RBFOX1: variants seen among roughly 807,000 people sequenced by gnomAD.
RBFOX1 encodes RNA binding fox-1 homolog 1.
In RBFOX1, 8 loss-of-function variants were observed where a neutral mutation model predicts 57.7. The observed-to-expected ratio is 0.14, with a 90% CI of 0.08 to 0.25. The LOEUF (loss-of-function observed/expected upper bound fraction) is 0.25. RBFOX1 is among the 10% of genes least tolerant of loss of function. The probability of loss-of-function intolerance (pLI) is 1.00; values close to 1 mark genes in which losing one functional copy is unlikely to be tolerated. For synonymous variants in RBFOX1, 326 were observed against 222.4 expected (o/e 1.47, Z -4.15); for missense variants, 611 against 548.5 (o/e 1.11, Z -1.14).
At chr16:7,542,291 C>G (rs191032284) in intron 5 of RBFOX1, among the ~76,000 whole-genome samples, 2 of 152,090 alleles carry the variant, frequency 1.3e-5, no homozygotes, top group Non-Finnish European at 2.9e-5. Flanking sequence ...GATACAGGGA[C>G]CTGTGACAAA....
In RBFOX1 at chr16:6,702,425, A is replaced by G. The variant is rs191383741; in HGVS notation, c.-16+47775A>G. 7.2e-4 allele frequency among the ~76,000 whole-genome samples: 109 copies of G among 152,258 alleles called. 1 individual carries two copies. Among genetic ancestry groups the G allele is most frequent in the African/African-American group, 2.4e-3 (98 of 41,556 alleles). On this transcript the variant is annotated intron_variant, in intron 3 of 15. Coordinates refer to ENST00000550418, the MANE Select transcript of RBFOX1 (RefSeq NM_018723.4). ...AAAAATCTGCCTGGCGTGCTGGCAT[A>G]TGCCTGTAATCCCAGCTACTTGGGA... is the stretch of plus-strand genomic sequence containing the variant.
intron 4 of RBFOX1, among the ~76,000 whole-genome samples, chr16:5,931,539 C>T (rs2059057161): frequency 6.6e-6 from 1 of 152,142 alleles, no homozygotes; most frequent in East Asian, 1.9e-4. Context: ...CAACCACATT[C>T]TGACTTAATG....
At chr16:5,290,002 G>C (rs1391812098) in intron 1 of RBFOX1, among the ~76,000 whole-genome samples, 1 of 152,214 alleles carries the variant, frequency 6.6e-6, no homozygotes, top group Non-Finnish European at 1.5e-5. Context: ...TGGAGAGATG[G>C]AACATGGTTT....
rs372389367 is a variant in RBFOX1 at position 7,500,844 on chromosome 16, C to T, written c.28-17303C>T. ...TCTAGTTCCCATAATCCCCATGTCTCGTGAGAGGGACCCGGTGGGAGGTAA... is the reference window on the plus strand; with the variant it reads ...TCTAGTTCCCATAATCCCCATGTCTTGTGAGAGGGACCCGGTGGGAGGTAA... On this transcript the variant is annotated intron_variant, in intron 4 of 15. Transcript: ENST00000550418. 5.9e-5 allele frequency among the ~76,000 whole-genome samples: 9 copies of T among 152,148 alleles called. No homozygotes were observed. The East Asian group carries it at 7.7e-4, about 13-fold the overall frequency.
intron 3 of RBFOX1, among the ~76,000 whole-genome samples, chr16:5,725,151 G>A (rs2052093877): frequency 6.6e-6 from 1 of 152,218 alleles, no homozygotes; most frequent in Admixed American, 6.5e-5. Flanking sequence ...GATACCTGTT[G>A]CAGAGGAGGC....
chr16:5,462,318 G>A (rs993441276), intron 1 of RBFOX1, among the ~76,000 whole-genome samples: 6 of 151,848 alleles, frequency 4.0e-5, no homozygotes, highest in East Asian at 1.9e-4. Context: ...ACAGGGGCCC[G>A]CCACCACGCC....
chr16:6,097,644 A>C lies in RBFOX1; in HGVS notation c.-127+77652A>C, dbSNP rs9806914. Among the ~76,000 whole-genome samples, 2 of 151,986 alleles carry C rather than the reference A, an allele frequency of 1.3e-5. No individual in the cohort carries two copies. Among genetic ancestry groups the C allele is most frequent in the African/African-American group, 4.8e-5 (2 of 41,390 alleles). Reference sequence around the variant, plus strand: ...GAGTCAGTAGGAGGAAAAGTGATTGACTCAAGTGCTTAATAAGTGTCTAAG... The same window carrying C: ...GAGTCAGTAGGAGGAAAAGTGATTGCCTCAAGTGCTTAATAAGTGTCTAAG... On this transcript the variant is annotated intron_variant, in intron 1 of 15. Coordinates refer to ENST00000550418, the MANE Select transcript of RBFOX1 (RefSeq NM_018723.4). This position sits in a 1 kb window ranked among gnomAD's most constrained non-coding sequence, Gnocchi z 5.0.
In RBFOX1 at chr16:6,152,557, G is replaced by T. The variant is rs116004307; in HGVS notation, c.-127+132565G>T. ...TGGAGTGTTTATGCTTGTATCTGTA[G>T]TCCAGATAAGTTAGTGGAAGAAATT... On this transcript the variant is annotated intron_variant, in intron 1 of 15. Transcript: ENST00000550418. Among the ~76,000 whole-genome samples, 1,288 of 152,308 alleles carry T rather than the reference G, an allele frequency of 8.5e-3. 19 individuals carry two copies. The highest frequency in any genetic ancestry group is 0.029 in the African/African-American group (1,221 of 41,562).
At chr16:6,863,243 G>C (rs996161349) in intron 3 of RBFOX1, among the ~76,000 whole-genome samples, 13 of 152,086 alleles carry the variant, frequency 8.5e-5, no homozygotes, top group Non-Finnish European at 1.2e-4. Context: ...CTAAAGGCAA[G>C]ACCCTCAAGG....
intron 3 of RBFOX1, among the ~76,000 whole-genome samples, chr16:5,727,427 C>T (rs1050616896): frequency 2.6e-5 from 4 of 152,180 alleles, no homozygotes; most frequent in Non-Finnish European, 4.4e-5. Context: ...TACGTATATA[C>T]TGTGAAACGC....
chr16:7,227,705 C>A (rs750782418), intron 4 of RBFOX1, among the ~76,000 whole-genome samples: 84 of 152,246 alleles, frequency 5.5e-4, no homozygotes, highest in Admixed American at 1.2e-3. Context: ...TCATTTGGCC[C>A]GTCGCCCTGC....
At chr16:7,198,130 CA>C (rs2087268399) in intron 4 of RBFOX1, among the ~76,000 whole-genome samples, 1 of 151,368 alleles carries the variant, frequency 6.6e-6, no homozygotes, top group East Asian at 1.9e-4. Context: ...CTCAGCCTCC[CA>C]AGTAGCTGGG....
At chr16:7,391,063 C>T (rs1483683974) in intron 4 of RBFOX1, among the ~76,000 whole-genome samples, 1 of 152,100 alleles carries the variant, frequency 6.6e-6, no homozygotes, top group Non-Finnish European at 1.5e-5. Context: ...GTTCCTTCTG[C>T]TCCTAGTCCT....
chr16:7,555,246 G>T (rs1001762088), intron 5 of RBFOX1, among the ~76,000 whole-genome samples: 2 of 152,118 alleles, frequency 1.3e-5, no homozygotes, highest in Non-Finnish European at 2.9e-5. Context: ...GCCTTCTGAT[G>T]ACTCCCCCAT....
chr16:5,542,696 A>G (rs920273758), intron 2 of RBFOX1, among the ~76,000 whole-genome samples: 15 of 152,306 alleles, frequency 9.8e-5, no homozygotes, highest in South Asian at 4.1e-4. Flanking sequence ...AGCAAGGAGA[A>G]TGAAAACTGT....
intron 3 of RBFOX1, among the ~76,000 whole-genome samples, chr16:7,021,373 T>A (rs527993970): frequency 5.2e-4 from 77 of 147,140 alleles, no homozygotes; most frequent in African/African-American, 1.9e-3. Flanking sequence ...TGTTCTTATA[T>A]ATTTTAAAAT....
rs138809112 is a variant in RBFOX1 at position 6,613,086 on chromosome 16, G to A, written c.-63-41517G>A. Among the ~76,000 whole-genome samples the A allele has an allele frequency of 4.2e-4, 63 of 151,334 alleles. 1 individual carries two copies. Among genetic ancestry groups the A allele is most frequent in the African/African-American group, 1.4e-3 (59 of 41,212 alleles). On this transcript the variant is annotated intron_variant, in intron 2 of 15. Transcript: ENST00000550418. ...TGGAATTCACAGGATAAATACTGTG[G>A]TACAGGAACTGTCAGGCCTGATTAA...
intron 1 of RBFOX1, among the ~76,000 whole-genome samples, chr16:6,058,000 A>T (rs1172196374): frequency 1.3e-5 from 2 of 151,980 alleles, no homozygotes; most frequent in Non-Finnish European, 2.9e-5. Context: ...CTTCAGACAA[A>T]GGCCTGACCC....
chr16:6,397,337 G>T (rs1474114982), intron 2 of RBFOX1, among the ~76,000 whole-genome samples: 1 of 152,128 alleles, frequency 6.6e-6, no homozygotes, highest in Non-Finnish European at 1.5e-5. Flanking sequence ...AGTGATATCC[G>T]TGATGGTCAG....
Sources: allele counts gnomAD v4.1 joint callset (sites outside exome capture counted in the v4.1 genomes callset), GRCh38; gene constraint gnomAD v4.1.1; non-coding constraint Gnocchi (gnomAD v3.1); transcripts MANE v1.5; gene names NCBI Gene and HGNC (gene_info 2026-07-23, HGNC 2026-07-21).